The following SORCS1 variants were observed in gnomAD, a reference collection of about 807,000 sequenced individuals.
SORCS1 encodes sortilin related VPS10 domain containing receptor 1.
SORCS1 carries 60 observed loss-of-function variants against 146.1 expected under a neutral mutation model. The observed-to-expected ratio is 0.41, with a 90% confidence interval of 0.33 to 0.51. The LOEUF (loss-of-function observed/expected upper bound fraction) is 0.51, where lower values mean the gene tolerates loss of function less well. Among genes scored for constraint, SORCS1 ranks in the 20% least tolerant of loss-of-function variants. The probability of loss-of-function intolerance (pLI) is 0.21; values close to 1 mark genes in which losing one functional copy is unlikely to be tolerated. For missense variants in SORCS1, 1,352 were observed against 1,487.6 expected (o/e 0.91, Z 1.50); for synonymous variants, 637 against 584.0 (o/e 1.09, Z -1.31).
intron 2 of SORCS1, among the ~76,000 whole-genome samples, chr10:106,926,479 G>C (rs934254645): frequency 2.6e-5 from 4 of 152,078 alleles, no homozygotes; most frequent in African/African-American, 9.7e-5. Context: ...GCTGCTGTGA[G>C]AATTAAATGA....
rs1159224253 is a variant in SORCS1 at position 106,573,815 on chromosome 10, CT to C, written c.*3604del. The C allele has an allele frequency of 6.6e-6, 1 of 152,148 alleles. No individual in the cohort carries two copies. Among genetic ancestry groups the C allele is most frequent in the East Asian group, 1.9e-4 (1 of 5,166 alleles). 9.4% of individuals were successfully genotyped at this position (152,148 alleles called of 1,614,324 possible). ...GTTTACTCTTTCTTATGCAATTAGCCTTTATGAAATCCTATACATGCAACAC... is the reference window on the plus strand; with the variant it reads ...GTTTACTCTTTCTTATGCAATTAGCCTTATGAAATCCTATACATGCAACAC... On this transcript the variant is annotated 3_prime_UTR_variant, in exon 26 of 26. Coordinates refer to ENST00000263054, the MANE Select transcript of SORCS1 (RefSeq NM_052918.5).
At chr10:107,137,099 A>G (rs1254335932) in intron 1 of SORCS1, among the ~76,000 whole-genome samples, 1 of 152,180 alleles carries the variant, frequency 6.6e-6, no homozygotes, top group Non-Finnish European at 1.5e-5. Context: ...CTTGGTTCCC[A>G]TAAGGGTATC....
intron 2 of SORCS1, among the ~76,000 whole-genome samples, chr10:106,844,117 C>T (rs1949197234): frequency 2.6e-5 from 4 of 152,180 alleles, no homozygotes; most frequent in Non-Finnish European, 5.9e-5. Flanking sequence ...GTGGTTTTAA[C>T]TTGCATTTCC....
intron 1 of SORCS1, among the ~76,000 whole-genome samples, chr10:106,985,013 C>A (rs972459832): frequency 6.6e-6 from 1 of 151,988 alleles, no homozygotes; most frequent in Non-Finnish European, 1.5e-5. Flanking sequence ...CACGGTGAAA[C>A]CCCGTCTCTA....
intron 22 of SORCS1, among the ~76,000 whole-genome samples, chr10:106,610,351 C>T (rs981328773): frequency 6.6e-6 from 1 of 152,062 alleles, no homozygotes; most frequent in African/African-American, 2.4e-5. Flanking sequence ...AACCTAATAT[C>T]TCTGAGTTTC....
intron 3 of SORCS1, among the ~76,000 whole-genome samples, chr10:106,808,582 A>G (rs1445479699): frequency 6.6e-6 from 1 of 151,688 alleles, no homozygotes; most frequent in East Asian, 2.0e-4. Context: ...GGCTCACTGC[A>G]AGCTCCGCCT....
intron 2 of SORCS1, among the ~76,000 whole-genome samples, chr10:106,924,561 G>T (rs1952903918): frequency 6.6e-6 from 1 of 151,946 alleles, no homozygotes; most frequent in African/African-American, 2.4e-5. Context: ...GAGGCAAAAG[G>T]CAAAAGAGGA....
rs560160853 is a variant in SORCS1, at chr10:106,786,597, A to T, written c.727-9905T>A. Among the ~76,000 whole-genome samples the T allele has an allele frequency of 2.0e-5, 3 of 152,238 alleles. No homozygotes were observed. The South Asian group carries it at 6.2e-4, about 32-fold the overall frequency. On this transcript the variant is annotated intron_variant, in intron 3 of 25. Transcript: ENST00000263054. ...CAATTTTGCCACATGCTATTGGTCA[A>T]AGAATTCTGGGCCAGACTTAATGGG...
intron 1 of SORCS1, among the ~76,000 whole-genome samples, chr10:107,088,857 G>A (rs1590109299): frequency 1.3e-5 from 2 of 152,146 alleles, no homozygotes; most frequent in East Asian, 3.9e-4. Flanking sequence ...TTCCTGTTCA[G>A]CTTTTCCTAG....
At chr10:106,607,349 G>A (rs1846673624) in intron 22 of SORCS1, 52 bp from the exon 23 acceptor site, 3 of 1,604,654 alleles carry the variant, frequency 1.9e-6, no homozygotes, top group Non-Finnish European at 2.5e-6. Flanking sequence ...AGAAAGCTGA[G>A]AAGGGACCAA....
At chr10:106,672,336 GGACAA>G (rs1296956086) in intron 15 of SORCS1, among the ~76,000 whole-genome samples, 1 of 152,110 alleles carries the variant, frequency 6.6e-6, no homozygotes, top group Non-Finnish European at 1.5e-5. Context: ...TGAGAGGCCA[GGACAA>G]ATGAAAGTTT....
chr10:106,665,897 G>A (rs1172774784), intron 17 of SORCS1, among the ~76,000 whole-genome samples: 3 of 152,102 alleles, frequency 2.0e-5, no homozygotes, highest in Non-Finnish European at 4.4e-5. Flanking sequence ...GGAGTGCAGT[G>A]GCACGATTTC....
chr10:106,714,253 T>C (rs548548991), intron 6 of SORCS1, among the ~76,000 whole-genome samples: 1 of 151,564 alleles, frequency 6.6e-6, no homozygotes, highest in Non-Finnish European at 1.5e-5. Flanking sequence ...CAAAGATATT[T>C]ATCAGTGTTA....
Position 106,805,807 on chromosome 10 carries a change from C to A in SORCS1, c.726+23767G>T, listed in dbSNP as rs1264501744. ...GGCGTGGTGGCTCACGCCTGTAATC[C>A]CAGCACTCTGGGAGGCCGAGACAGG... On this transcript the variant is annotated intron_variant, in intron 3 of 25. Transcript: ENST00000263054. Among the ~76,000 whole-genome samples the A allele has an allele frequency of 3.3e-5, 5 of 152,090 alleles. No individual in the cohort carries two copies. In the South Asian group the frequency reaches 1.0e-3, roughly 32 times the overall value.
At chr10:106,924,461 TTATCGATCTATCTATCTATCTATCTATC>T (rs1249536703) in intron 2 of SORCS1, among the ~76,000 whole-genome samples, 6 of 125,598 alleles carry the variant, frequency 4.8e-5, no homozygotes, top group Non-Finnish European at 8.8e-5. Context: ...AATTCCACAG[TTATCGATCTATCTATCTATCTATCTATC>T]TATCTATCTA....
At chr10:106,816,808 G>C (rs1947763498) in intron 3 of SORCS1, among the ~76,000 whole-genome samples, 1 of 152,010 alleles carries the variant, frequency 6.6e-6, no homozygotes, top group Non-Finnish European at 1.5e-5. Flanking sequence ...AGTTGCAATG[G>C]GCATCGAGCC....
chr10:107,090,367 T>G (rs1003408056), intron 1 of SORCS1, among the ~76,000 whole-genome samples: 7 of 152,196 alleles, frequency 4.6e-5, no homozygotes, highest in Non-Finnish European at 8.8e-5. Flanking sequence ...ATGTTTCCCT[T>G]ATGTGACTAA....
rs183247635 is a variant in SORCS1 at position 106,983,347 on chromosome 10, T to C, written c.559-26767A>G. 1.1e-3 allele frequency among the ~76,000 whole-genome samples: 162 copies of C among 151,434 alleles called. 1 individual carries two copies. Among genetic ancestry groups the C allele is most frequent in the Non-Finnish European group, 1.8e-3 (119 of 67,870 alleles). On this transcript the variant is annotated intron_variant, in intron 1 of 25. Coordinates refer to ENST00000263054, the MANE Select transcript of SORCS1 (RefSeq NM_052918.5). ...TAATGGGTAAATTTAAAACTGATAATATTCTGATATATATATAGTTGCTTG... is the reference window on the plus strand; with the variant it reads ...TAATGGGTAAATTTAAAACTGATAACATTCTGATATATATATAGTTGCTTG...
intron 3 of SORCS1, among the ~76,000 whole-genome samples, chr10:106,812,894 A>G (rs1343895050): frequency 6.6e-6 from 1 of 152,152 alleles, no homozygotes; most frequent in East Asian, 1.9e-4. Context: ...AGATTTGATC[A>G]GAGCCCATGA....
Sources: gnomAD v4.1 joint callset for allele counts (sites outside exome capture counted in the v4.1 genomes callset) on GRCh38, gnomAD v4.1.1 for gene constraint, MANE v1.5 for transcripts, NCBI Gene and HGNC (gene_info 2026-07-23, HGNC 2026-07-21) for gene names.